The following OVGP1 variants were observed in gnomAD, a reference collection of about 807,000 sequenced individuals.
OVGP1 encodes the protein oviductal glycoprotein 1, also known as oviduct-specific glycoprotein.
Under a neutral mutation model 48.2 loss-of-function variants are expected in OVGP1, and 26 were observed. The ratio of observed to expected loss-of-function variants is 0.54; its 90% confidence interval spans 0.40 to 0.75. The LOEUF is 0.75. Among genes scored for constraint, OVGP1 ranks in the 30% least tolerant of loss-of-function variants. The pLI is 0.00. For synonymous variants in OVGP1, 294 were observed against 305.7 expected, an observed-to-expected ratio of 0.96 and a Z score of 0.40; for missense variants, 791 against 820.6, an observed-to-expected ratio of 0.96 and a Z score of 0.44.
Position 111,421,643 on chromosome 1 carries a change from A to T in OVGP1, c.639T>A (p.Tyr213Ter). 6.2e-7 allele frequency: 1 copy of T among 1,611,646 alleles called. No individual in the cohort carries two copies. Among genetic ancestry groups the T allele is most frequent in the Non-Finnish European group, 8.5e-7 (1 of 1,177,690 alleles). Residue 213 changes from tyrosine (Y) to a stop codon, truncating the protein, a stop_gained, in exon 7 of 11, where the codon TAT (tyrosine) becomes TAA (stop). Transcript: ENST00000369732. LOFTEE classifies it high-confidence loss of function. ...ACCTTTCCCAACTTCCATGTAAGTC[A>T]TAAGACAAGACATTGATGAAATCCA... ...RLLDFINVLS[Y>*]DLHGSWERFT...
In OVGP1 at chr1:111,419,598, C is replaced by T; in HGVS notation, c.1020+12G>A. 1.3e-6 allele frequency: 2 copies of T among 1,495,396 alleles called. No individual in the cohort carries two copies. Among genetic ancestry groups the T allele is most frequent in the South Asian group, 2.3e-5 (2 of 88,428 alleles). The allele number at this position is 1,495,396 out of a possible 1,614,324, so 92.6% of individuals were successfully genotyped here. ...AACCATGTGCTGGAGCATGAAAGAG[C>T]CAGGGTCTCACCTTGTAACTGAAGC... On this transcript the variant is annotated intron_variant, in intron 9 of 10. Transcript: ENST00000369732.
In OVGP1 at chr1:111,423,574, T is replaced by C. The variant is rs143296952; in HGVS notation, c.452A>G (p.His151Arg). 1.9e-6 allele frequency: 3 copies of C among 1,614,180 alleles called. No individual in the cohort carries two copies. Among genetic ancestry groups the C allele is most frequent in the African/African-American group, 1.3e-5 (1 of 75,034 alleles). ...TAAGAAGAGAAAAGTCCACCGGTCA[T>C]GCATGGGGCTGCCTCTTAGTCCAGG... ...LYPGLRGSPMHDRWTFLFLIE... is the reference protein window; with the variant it reads ...LYPGLRGSPMRDRWTFLFLIE... The change falls in exon 5 of 11, where the codon CAT becomes CGT. Residue 151 changes from histidine (H) to arginine (R), a missense_variant. Physicochemically the swap from His to Arg is conservative, Grantham distance 29 (BLOSUM62 0). Coordinates refer to ENST00000369732, the MANE Select transcript of OVGP1 (RefSeq NM_002557.4).
intron 10 of OVGP1, 57 bp from the exon 11 acceptor site, chr1:111,415,401 A>T: frequency 6.7e-7 from 1 of 1,496,388 alleles, no homozygotes; most frequent in African/African-American, 1.4e-5. Context: ...TCATCCTATT[A>T]ATTACTGGCA....
chr1:111,420,520 G>T (rs1171225176), intron 8 of OVGP1, among the ~76,000 whole-genome samples: 1 of 152,184 alleles, frequency 6.6e-6, no homozygotes, highest in African/African-American at 2.4e-5. Flanking sequence ...CTCTGTACCT[G>T]CTGTCCTCTA....
rs145862799 is a variant in OVGP1, at chr1:111,414,956, C to T, written c.1545G>A (p.Gln515=). ...GGGTCTTTTCCCCAGGGGTCACAGACTGATAACCCACAGAGGTCAGGGTCT... is the reference window on the plus strand; with the variant it reads ...GGGTCTTTTCCCCAGGGGTCACAGATTGATAACCCACAGAGGTCAGGGTCT... ...GQKTLTSVGY[Q]SVTPGEKTLT... The change falls in exon 11 of 11, where the codon CAG becomes CAA. Residue 515 remains glutamine, a synonymous_variant. Coordinates refer to ENST00000369732, the MANE Select transcript of OVGP1 (RefSeq NM_002557.4). 1.7e-5 allele frequency: 14 copies of T among 807,058 alleles called. No homozygotes were observed. Among genetic ancestry groups the T allele is most frequent in the East Asian group, 3.0e-5 (1 of 33,240 alleles). 50.0% of individuals were successfully genotyped at this position (807,058 alleles called of 1,614,324 possible). A position where few individuals can be genotyped will look rare whatever the true frequency, so the allele number is the denominator to read the frequency against.
At chr1:111,419,801 C>A in intron 8 of OVGP1, 75 bp from the exon 9 acceptor site, 2 of 892,902 alleles carry the variant, frequency 2.2e-6, no homozygotes, top group South Asian at 1.3e-5. Context: ...GTTCCTTGCC[C>A]AAGGATAAAG....
At position 111,414,701 on chromosome 1, in the gene OVGP1, C is replaced by T; in HGVS notation, c.1800G>A (p.Glu600=). 1 of 1,613,946 alleles carries T rather than the reference C, an allele frequency of 6.2e-7. No homozygotes were observed. Among genetic ancestry groups the T allele is most frequent in the Non-Finnish European group, 8.5e-7 (1 of 1,179,806 alleles). ...TACCCATCCTGGGGTGAGTGCCCAC[C>T]TCAGAAGTCAAATTCTCCCCTCTTA... ...MPLRGENLTS[E]VGTHPRMGNL... The change falls in exon 11 of 11, where the codon GAG becomes GAA. Residue 600 remains glutamate (E), a synonymous_variant. Transcript: ENST00000369732.
At chr1:111,421,155 T>A in intron 8 of OVGP1, 121 bp downstream of exon 8, 1 of 829,874 alleles carries the variant, frequency 1.2e-6, no homozygotes, top group South Asian at 2.5e-5. Flanking sequence ...CTTGTACTAA[T>A]AGACCACCTC....
In OVGP1 at chr1:111,415,008, C is replaced by T. The variant is rs1055590459; in HGVS notation, c.1493G>A (p.Gly498Asp). The T allele has an allele frequency of 1.9e-6, 3 of 1,610,978 alleles. No individual in the cohort carries two copies. Among genetic ancestry groups the T allele is most frequent in the African/African-American group, 1.3e-5 (1 of 74,946 alleles). The change falls in exon 11 of 11, where the codon GGT becomes GAT. Residue 498 changes from glycine (G) to aspartate (D), a missense_variant. Physicochemically the swap from Gly to Asp is moderately conservative, Grantham distance 94. Coordinates refer to ENST00000369732, the MANE Select transcript of OVGP1 (RefSeq NM_002557.4). The stretch of plus-strand genomic sequence containing the variant: ...CTGTCCAGTGGTCACAGATTGATGA[C>T]CCACAGGGGTCAGGGCCTTCTCTCC... ...TPGEKALTPV[G>D]HQSVTTGQKT...
Position 111,427,729 on chromosome 1 carries a change from G to T in OVGP1, c.-8C>A. 1 of 1,608,346 alleles carries T rather than the reference G, an allele frequency of 6.2e-7. No individual in the cohort carries two copies. The highest frequency in any genetic ancestry group is 8.5e-7 in the Non-Finnish European group (1 of 1,177,144). ...CAGCAACAGCTTCCACATCTCAATGGTCTGATAGCTGTGAGTCCAGAGATG... is the reference window on the plus strand; with the variant it reads ...CAGCAACAGCTTCCACATCTCAATGTTCTGATAGCTGTGAGTCCAGAGATG... On this transcript the variant is annotated 5_prime_UTR_variant, in exon 1 of 11. Coordinates refer to ENST00000369732, the MANE Select transcript of OVGP1 (RefSeq NM_002557.4).
chr1:111,424,816 C>T (rs1391634607), intron 4 of OVGP1, among the ~76,000 whole-genome samples: 2 of 152,328 alleles, frequency 1.3e-5, no homozygotes, highest in East Asian at 1.9e-4. Flanking sequence ...TAACCCAGGC[C>T]TCAGCCATGA....
At chr1:111,419,823 C>A in intron 8 of OVGP1, 97 bp from the exon 9 acceptor site, 1 of 760,398 alleles carries the variant, frequency 1.3e-6, no homozygotes, top group Admixed American at 1.9e-5. Flanking sequence ...ATCCAAGAAT[C>A]CCTAACCAGC....
intron 1 of OVGP1, 169 bp from the exon 2 acceptor site, chr1:111,427,260 A>G (rs527822026): frequency 8.1e-6 from 8 of 985,420 alleles, no homozygotes; most frequent in Admixed American, 1.2e-4. Context: ...TAGTTTCTAA[A>G]GTTGGACCAG....
At chr1:111,417,931 T>C (rs901055047) in intron 9 of OVGP1, among the ~76,000 whole-genome samples, 2 of 152,134 alleles carry the variant, frequency 1.3e-5, no homozygotes, top group African/African-American at 4.8e-5. Flanking sequence ...GAACCTGGAA[T>C]GTAAACAAGT....
At chr1:111,427,670 G>A (rs1181817619) in intron 1 of OVGP1, 27 bp downstream of exon 1, 6 of 1,612,290 alleles carry the variant, frequency 3.7e-6, no homozygotes, top group Non-Finnish European at 5.1e-6. Flanking sequence ...TGGACTGAGT[G>A]ACACTGCTGG....
intron 4 of OVGP1, 59 bp downstream of exon 4, chr1:111,425,324 C>G: frequency 6.2e-7 from 1 of 1,604,202 alleles, no homozygotes; most frequent in Non-Finnish European, 8.5e-7. Flanking sequence ...CCTCTGTCTT[C>G]ACGTCTAACC....
At chr1:111,419,375 G>A (rs1399091309) in intron 9 of OVGP1, among the ~76,000 whole-genome samples, 2 of 152,156 alleles carry the variant, frequency 1.3e-5, no homozygotes, top group Non-Finnish European at 2.9e-5. Context: ...AAGAACTGAG[G>A]GAACTATTTA....
intron 9 of OVGP1, among the ~76,000 whole-genome samples, chr1:111,418,542 G>C (rs866023277): frequency 6.6e-6 from 1 of 152,100 alleles, no homozygotes. Context: ...AAAAACAGCC[G>C]ACACCTGCCA....
At chr1:111,418,542 G>A (rs866023277) in intron 9 of OVGP1, among the ~76,000 whole-genome samples, 6 of 152,100 alleles carry the variant, frequency 3.9e-5, no homozygotes, top group African/African-American at 7.2e-5. Flanking sequence ...AAAAACAGCC[G>A]ACACCTGCCA....
Sources: allele counts gnomAD v4.1 joint callset (sites outside exome capture counted in the v4.1 genomes callset), GRCh38; gene constraint gnomAD v4.1.1; transcripts MANE v1.5; gene names NCBI Gene and HGNC (gene_info 2026-07-23, HGNC 2026-07-21).